The following CCDC85A variants were observed in gnomAD, a reference collection of about 807,000 sequenced individuals.
The protein encoded by CCDC85A is coiled-coil domain containing 85A.
Under a neutral mutation model 50.2 loss-of-function variants are expected in CCDC85A, and 38 were observed. The ratio of observed to expected loss-of-function variants is 0.76; its 90% CI spans 0.58 to 0.99. CCDC85A has a LOEUF of 0.99. Among genes scored for constraint, CCDC85A ranks in the 50% least tolerant of loss-of-function variants. The pLI, the probability that CCDC85A is intolerant of heterozygous loss-of-function variation, is 0.00. For missense variants in CCDC85A, 820 were observed against 742.0 expected (o/e 1.11, Z -1.22); for synonymous variants, 366 against 301.4 (o/e 1.21, Z -2.22).
chr2:56,253,102 T>G, intron 2 of CCDC85A, among the ~76,000 whole-genome samples: 1 of 152,148 alleles, frequency 6.6e-6, no homozygotes, highest in East Asian at 1.9e-4. Flanking sequence ...GGTGTATAGC[T>G]CAGCAAACTT....
chr2:56,185,019 G>T, intron 1 of CCDC85A, 119 bp downstream of exon 1: 1 of 1,266,626 alleles, frequency 7.9e-7, no homozygotes, highest in Non-Finnish European at 1.0e-6. Flanking sequence ...CCTTCTCCCG[G>T]TCGGCACCCC....
intron 2 of CCDC85A, among the ~76,000 whole-genome samples, chr2:56,286,299 A>G (rs1197107930): frequency 6.6e-6 from 1 of 152,072 alleles, no homozygotes; most frequent in Non-Finnish European, 1.5e-5. Context: ...TATTTCTTCA[A>G]ATATTTTTCT....
chr2:56,185,248 A>G (rs1675963941), intron 1 of CCDC85A, among the ~76,000 whole-genome samples: 1 of 152,134 alleles, frequency 6.6e-6, no homozygotes, highest in African/African-American at 2.4e-5. Context: ...AGTTAGGCGG[A>G]AAGGCCAGTG....
At chr2:56,282,132 T>C (rs1193429115) in intron 2 of CCDC85A, among the ~76,000 whole-genome samples, 1 of 152,176 alleles carries the variant, frequency 6.6e-6, no homozygotes, top group Non-Finnish European at 1.5e-5. Flanking sequence ...TTGAGAGTTT[T>C]TTTTTTATGG....
intron 2 of CCDC85A, among the ~76,000 whole-genome samples, chr2:56,273,694 A>G (rs1355476100): frequency 6.7e-6 from 1 of 150,294 alleles, no homozygotes; most frequent in African/African-American, 2.4e-5. Context: ...CAGAATATAT[A>G]TATATATATA....
At chr2:56,299,916 G>A (rs1672124218) in intron 2 of CCDC85A, among the ~76,000 whole-genome samples, 1 of 152,128 alleles carries the variant, frequency 6.6e-6, no homozygotes, top group Non-Finnish European at 1.5e-5. Context: ...AAAACTATAA[G>A]AAGTGAGCAG....
chr2:56,242,673 C>T (rs35637593), intron 2 of CCDC85A, among the ~76,000 whole-genome samples: 21,987 of 152,076 alleles, frequency 0.14, 1,981 homozygotes, highest in East Asian at 0.28. Flanking sequence ...CAAACTATAT[C>T]GGGTAGGTAG....
At chr2:56,337,781 CT>C (rs141442127) in intron 2 of CCDC85A, among the ~76,000 whole-genome samples, 22 of 147,118 alleles carry the variant, frequency 1.5e-4, no homozygotes, top group South Asian at 1.3e-3. Context: ...ATATAGGCTC[CT>C]TTTTTTTTTC....
chr2:56,221,384 A>G (rs1379603880), intron 2 of CCDC85A, among the ~76,000 whole-genome samples: 1 of 151,836 alleles, frequency 6.6e-6, no homozygotes, highest in East Asian at 1.9e-4. Flanking sequence ...TTTTTTCTGT[A>G]AAACATACTG....
At chr2:56,321,293 C>A (rs1459758402) in intron 2 of CCDC85A, among the ~76,000 whole-genome samples, 4 of 152,066 alleles carry the variant, frequency 2.6e-5, no homozygotes, top group Admixed American at 6.6e-5. Flanking sequence ...CTGGTCAGGG[C>A]AATCAGGCAG....
intron 3 of CCDC85A, among the ~76,000 whole-genome samples, chr2:56,347,223 G>A (rs560685623): frequency 6.6e-6 from 1 of 152,280 alleles, no homozygotes; most frequent in East Asian, 1.9e-4. Flanking sequence ...CCCCTTTTCA[G>A]TCAAGGTGTA....
intron 5 of CCDC85A, among the ~76,000 whole-genome samples, chr2:56,380,197 A>C (rs986313071): frequency 6.6e-6 from 1 of 152,186 alleles, no homozygotes; most frequent in African/African-American, 2.4e-5. Flanking sequence ...TCAGTGTTTA[A>C]AAACCTATGA....
intron 2 of CCDC85A, among the ~76,000 whole-genome samples, chr2:56,220,439 A>C (rs375874410): frequency 5.3e-5 from 8 of 152,064 alleles, no homozygotes; most frequent in African/African-American, 1.9e-4. Flanking sequence ...GAAATTCAGT[A>C]AGCTGTCATT....
intron 2 of CCDC85A, among the ~76,000 whole-genome samples, chr2:56,312,662 C>G (rs1672749241): frequency 6.6e-6 from 1 of 151,972 alleles, no homozygotes; most frequent in African/African-American, 2.4e-5. Context: ...CAGTACAGTC[C>G]CAGTAGGAAG....
chr2:56,330,889 A>G (rs552327203), intron 2 of CCDC85A, among the ~76,000 whole-genome samples: 1 of 152,326 alleles, frequency 6.6e-6, no homozygotes, highest in African/African-American at 2.4e-5. Flanking sequence ...CCCAAAGGAA[A>G]AGTGATCATC....
chr2:56,361,798 G>T (rs1476269902), intron 3 of CCDC85A, among the ~76,000 whole-genome samples: 1 of 152,160 alleles, frequency 6.6e-6, no homozygotes, highest in African/African-American at 2.4e-5. Flanking sequence ...GAATGCTATT[G>T]GAGGATTTGG....
At chr2:56,379,739 A>G (rs1308365426) in intron 5 of CCDC85A, 1 of 963,192 alleles carries the variant, frequency 1.0e-6, no homozygotes, top group Non-Finnish European at 1.2e-6. Context: ...TTTCTTTTTC[A>G]ACAAATCCAG....
intron 2 of CCDC85A, among the ~76,000 whole-genome samples, chr2:56,281,752 T>C (rs1340076765): frequency 6.6e-6 from 1 of 152,184 alleles, no homozygotes; most frequent in Non-Finnish European, 1.5e-5. Flanking sequence ...ATTAGCTGTT[T>C]ATCTTTTTCA....
At chr2:56,183,928 T>C, upstream of CCDC85A, 1 of 985,396 alleles carries the variant, frequency 1.0e-6, no homozygotes, top group Non-Finnish European at 1.2e-6. Context: ...CGGGAGCTGC[T>C]GCGGGTTACG....
Sources: allele counts gnomAD v4.1 joint callset (sites outside exome capture counted in the v4.1 genomes callset), GRCh38; gene constraint gnomAD v4.1.1; transcripts MANE v1.5; gene names NCBI Gene and HGNC (gene_info 2026-07-23, HGNC 2026-07-21).